The following FBXL22 variants were observed in gnomAD, a reference collection of about 807,000 sequenced individuals.
FBXL22 encodes the protein F-box and leucine rich repeat protein 22.
In FBXL22, 13 loss-of-function variants were observed where a neutral mutation model predicts 11.7. That is an observed-to-expected ratio of 1.11 (90% confidence interval 0.73 to 1.77). FBXL22 has a LOEUF of 1.77. Among genes scored for constraint, FBXL22 ranks in the 40% most tolerant of loss-of-function variants. The pLI is 0.00. For missense variants in FBXL22, 406 were observed against 320.4 expected, an observed-to-expected ratio of 1.27 and a Z score of -2.04; for synonymous variants, 160 against 144.1, an observed-to-expected ratio of 1.11 and a Z score of -0.79.
downstream of FBXL22, among the ~76,000 whole-genome samples, chr15:63,607,317 T>A (rs1168849476): frequency 6.6e-6 from 1 of 152,220 alleles, no homozygotes; most frequent in Non-Finnish European, 1.5e-5. Flanking sequence ...AGTGCTGGGA[T>A]TACAGGCGTG....
At position 63,597,524 on chromosome 15, in the gene FBXL22, G is replaced by A. The variant is rs142301663; in HGVS notation, c.132G>A (p.Glu44=). The change falls in exon 1 of 2, where the codon GAG becomes GAA. Residue 44 remains glutamate (E), a synonymous_variant. Transcript: ENST00000638704. The surrounding 1 kb of genome is among the most constrained non-coding windows in gnomAD (Gnocchi z 4.3). ...RTCSQLHDVF[E]DPALWSLLHF... Reference sequence around the variant, plus strand: ...GCTCCCAGCTCCACGACGTGTTTGAGGACCCCGCACTCTGGTCCCTGCTGC... The same window carrying A: ...GCTCCCAGCTCCACGACGTGTTTGAAGACCCCGCACTCTGGTCCCTGCTGC... 10 of 1,614,090 alleles carry A rather than the reference G, an allele frequency of 6.2e-6. No homozygotes were observed. The East Asian group carries it at 6.7e-5, about 11-fold the overall frequency.
downstream of FBXL22, chr15:63,601,669 G>A: frequency 1.2e-6 from 2 of 1,608,074 alleles, no homozygotes; most frequent in Non-Finnish European, 1.7e-6. Flanking sequence ...TCCTGGGGCG[G>A]ATGCGTTCCC....
downstream of FBXL22, among the ~76,000 whole-genome samples, chr15:63,606,851 G>A (rs1444929457): frequency 6.6e-6 from 1 of 152,224 alleles, no homozygotes. Context: ...ATGAGTGCCA[G>A]CCTTCTGGGG....
In FBXL22 at chr15:63,597,612, C is replaced by G. The variant is rs1230999665; in HGVS notation, c.220C>G (p.Leu74Val). 17 of 1,613,772 alleles carry G rather than the reference C, an allele frequency of 1.1e-5. No individual in the cohort carries two copies. The highest frequency in any genetic ancestry group is 1.4e-5 in the Non-Finnish European group (17 of 1,180,028). Residue 74 changes from leucine to valine, a missense_variant, in exon 1 of 2, where the codon CTC (leucine) becomes GTC (valine). Coordinates refer to ENST00000638704, the MANE Select transcript of FBXL22 (RefSeq NM_001367807.1). The surrounding 1 kb of genome is among the most constrained non-coding windows in gnomAD (Gnocchi z 4.3). Reference protein sequence around the residue: ...NFLLGPALRSLSICWHSSRVQ... With the variant: ...NFLLGPALRSVSICWHSSRVQ... ...CCTCCTGGGCCCGGCACTCCGCAGCCTCTCCATCTGCTGGCACTCCAGCCG... is the reference window on the plus strand; with the variant it reads ...CCTCCTGGGCCCGGCACTCCGCAGCGTCTCCATCTGCTGGCACTCCAGCCG...
chr15:63,608,380 CAGA>C, the FBXL22 span, among the ~76,000 whole-genome samples: 17 of 152,170 alleles, frequency 1.1e-4, no homozygotes, highest in Admixed American at 2.6e-4. Context: ...CCCAGGATGA[CAGA>C]AGAACAATGG....
downstream of FBXL22, among the ~76,000 whole-genome samples, chr15:63,603,831 T>C (rs1171245563): frequency 1.3e-5 from 2 of 151,986 alleles, no homozygotes; most frequent in African/African-American, 4.8e-5. Context: ...ACTCTGCTAC[T>C]AGCCTGTGAG....
Position 63,600,699 on chromosome 15 carries a change from G to A in FBXL22, c.356G>A (p.Cys119Tyr). 1 of 1,231,492 alleles carries A rather than the reference G, an allele frequency of 8.1e-7. No individual in the cohort carries two copies. Among genetic ancestry groups the A allele is most frequent in the Non-Finnish European group, 1.0e-6 (1 of 987,786 alleles). 76.3% of individuals were successfully genotyped at this position (1,231,492 alleles called of 1,614,324 possible). A position where few individuals can be genotyped will look rare whatever the true frequency, so the allele number is the denominator to read the frequency against. The change falls in exon 2 of 2, where the codon TGC becomes TAC. Residue 119 changes from cysteine to tyrosine, a missense_variant and splice_region_variant. Cys to Tyr is a radical substitution (Grantham distance 194). Transcript: ENST00000638704. The part of the protein sequence containing the change: ...NDFLLRVCDR[C>Y]PNLASVTLSG... The stretch of plus-strand genomic sequence containing the variant: ...GGGTCACCGCACTCTCCTCACAGGT[G>A]CCCCAACCTGGCGTCCGTCACGCTC...
intron 1 of FBXL22, among the ~76,000 whole-genome samples, chr15:63,598,516 A>ATT (rs1470513195): frequency 2.0e-5 from 3 of 152,322 alleles, no homozygotes; most frequent in African/African-American, 4.8e-5. Flanking sequence ...TCCCAGCCTC[A>ATT]TGGGCAGAGC....
At chr15:63,603,543 T>C (rs563610832), downstream of FBXL22, among the ~76,000 whole-genome samples, 1 of 152,172 alleles carries the variant, frequency 6.6e-6, no homozygotes, top group South Asian at 2.1e-4. Context: ...GAGATGAAGG[T>C]TCCCCCTCAG....
intron 1 of FBXL22, among the ~76,000 whole-genome samples, chr15:63,598,410 G>A (rs1442678800): frequency 6.6e-6 from 1 of 152,186 alleles, no homozygotes; most frequent in Non-Finnish European, 1.5e-5. Flanking sequence ...ATATTTTAGT[G>A]TAAGTATGTC....
the FBXL22 span, among the ~76,000 whole-genome samples, chr15:63,607,674 C>T: frequency 6.6e-6 from 1 of 152,244 alleles, no homozygotes; most frequent in East Asian, 1.9e-4. Flanking sequence ...CACCTATCTT[C>T]CTTGTGGAAA....
intron 1 of FBXL22, chr15:63,599,213 A>G (rs1316132195): frequency 3.3e-6 from 5 of 1,535,874 alleles, no homozygotes; most frequent in Non-Finnish European, 4.4e-6. Flanking sequence ...ATGAACGTCT[A>G]CTGAATCTGG....
At chr15:63,603,748 G>A (rs1425909635), downstream of FBXL22, among the ~76,000 whole-genome samples, 1 of 152,248 alleles carries the variant, frequency 6.6e-6, no homozygotes, top group Non-Finnish European at 1.5e-5. Flanking sequence ...GCCACAGTAA[G>A]CCCTGGCCCA....
chr15:63,601,215 C>T lies in FBXL22; in HGVS notation c.*176C>T, dbSNP rs2067366278. On this transcript the variant is annotated 3_prime_UTR_variant, in exon 2 of 2. Transcript: ENST00000638704. ...TACGATTTTATACATAGGATAAACG[C>T]AAGATTAAATGGATATTTGGAAAAC... is the stretch of plus-strand genomic sequence containing the variant. 2 of 1,493,928 alleles carry T rather than the reference C, an allele frequency of 1.3e-6. No individual in the cohort carries two copies. Among genetic ancestry groups the T allele is most frequent in the Non-Finnish European group, 1.8e-6 (2 of 1,129,026 alleles). 92.5% of individuals were successfully genotyped at this position (1,493,928 alleles called of 1,614,324 possible).
downstream of FBXL22, among the ~76,000 whole-genome samples, chr15:63,605,895 GGCA>G (rs2067410667): frequency 6.6e-6 from 1 of 152,210 alleles, no homozygotes; most frequent in Non-Finnish European, 1.5e-5. Flanking sequence ...CCCCAGTGCC[GGCA>G]GAGAGACCAG....
At chr15:63,601,821 C>T, downstream of FBXL22, 1 of 1,275,416 alleles carries the variant, frequency 7.8e-7, no homozygotes, top group Non-Finnish European at 1.0e-6. Context: ...TCAAACTAAA[C>T]AAAAACAAAA....
At chr15:63,603,017 G>A (rs1039612940), downstream of FBXL22, among the ~76,000 whole-genome samples, 15 of 152,050 alleles carry the variant, frequency 9.9e-5, no homozygotes, top group African/African-American at 3.6e-4. Flanking sequence ...TAGACTCCAC[G>A]TCCCTCCCCT....
chr15:63,604,499 A>G (rs1566931638), downstream of FBXL22, among the ~76,000 whole-genome samples: 1 of 152,058 alleles, frequency 6.6e-6, no homozygotes, highest in Non-Finnish European at 1.5e-5. Flanking sequence ...TAGCCAGAGG[A>G]GCTTTGGGTT....
At chr15:63,606,072 G>A (rs537341864), downstream of FBXL22, among the ~76,000 whole-genome samples, 7 of 152,186 alleles carry the variant, frequency 4.6e-5, no homozygotes, top group Non-Finnish European at 8.8e-5. Context: ...GCTCTACCAC[G>A]GCACGCTGAC....
Sources: gnomAD v4.1 joint callset for allele counts (sites outside exome capture counted in the v4.1 genomes callset) on GRCh38, gnomAD v4.1.1 for gene constraint, Gnocchi (gnomAD v3.1) non-coding constraint, MANE v1.5 for transcripts, NCBI Gene and HGNC (gene_info 2026-07-23, HGNC 2026-07-21) for gene names.